SV2B: variants seen among roughly 807,000 people sequenced by gnomAD.
The protein encoded by SV2B is solute carrier family 22 member B2.
SV2B carries 41 observed loss-of-function variants against 73.9 expected under a neutral mutation model. The ratio of observed to expected loss-of-function variants is 0.56; its 90% CI spans 0.43 to 0.72. The LOEUF is 0.72. Among genes scored for constraint, SV2B ranks in the 30% least tolerant of loss-of-function variants. SV2B has a pLI of 0.00. For missense variants in SV2B, 764 were observed against 857.8 expected (o/e 0.89, Z 1.37); for synonymous variants, 314 against 314.2 (o/e 1.00, Z 0.01).
Position 91,137,858 on chromosome 15 carries a change from TAAG to T in SV2B, c.-392+37500_-392+37502del, listed in dbSNP as rs959011404. 1.3e-5 allele frequency among the ~76,000 whole-genome samples: 2 copies of T among 151,854 alleles called. No individual in the cohort carries two copies. The highest frequency in any genetic ancestry group is 2.9e-5 in the Non-Finnish European group (2 of 67,964). ...ACTTATTATTTTGAAAACTGGTAAA[TAAG>T]AAGAGAGAATCAGGTGTTTACTTTG... On this transcript the variant is annotated intron_variant, in intron 1 of 12. Coordinates refer to ENST00000394232, the MANE Select transcript of SV2B (RefSeq NM_001323032.3). The surrounding 1 kb of genome is among the most constrained non-coding windows in gnomAD (Gnocchi z 4.9).
intron 1 of SV2B, among the ~76,000 whole-genome samples, chr15:91,152,071 C>CTTTTTTTTTTT (rs59094531): frequency 7.3e-5 from 10 of 137,296 alleles, no homozygotes; most frequent in South Asian, 2.3e-4. Flanking sequence ...AATTTTTACT[C>CTTTTTTTTTTT]TTTTTTTTTT....
chr15:91,276,802 GTTGTTA>G (rs907045235), intron 9 of SV2B, among the ~76,000 whole-genome samples: 3 of 56,770 alleles, frequency 5.3e-5, no homozygotes, highest in African/African-American at 1.3e-4. Flanking sequence ...TATTATTGTT[GTTGTTA>G]TTATTATTAT....
chr15:91,246,625 C>T (rs1156816112), intron 2 of SV2B, among the ~76,000 whole-genome samples: 1 of 152,132 alleles, frequency 6.6e-6, no homozygotes, highest in African/African-American at 2.4e-5. Flanking sequence ...AGGCTCCTCC[C>T]TCTTCCAAGG....
chr15:91,218,524 A>T (rs1048379309), intron 1 of SV2B, among the ~76,000 whole-genome samples: 1 of 152,196 alleles, frequency 6.6e-6, no homozygotes, highest in East Asian at 1.9e-4. Context: ...CAAAGCTGAC[A>T]CATATGAATA....
At chr15:91,276,330 A>C (rs760097512) in intron 9 of SV2B, among the ~76,000 whole-genome samples, 1 of 151,874 alleles carries the variant, frequency 6.6e-6, no homozygotes, top group Non-Finnish European at 1.5e-5. Flanking sequence ...TTGAGGTTCT[A>C]TAAGTTTTAT....
chr15:91,272,444 A>C (rs920979786), intron 9 of SV2B, among the ~76,000 whole-genome samples: 1 of 152,140 alleles, frequency 6.6e-6, no homozygotes, highest in Non-Finnish European at 1.5e-5. Context: ...TCTGCACATC[A>C]GGGAGAGATG....
chr15:91,206,233 G>T (rs554254148), intron 1 of SV2B, among the ~76,000 whole-genome samples: 64 of 142,652 alleles, frequency 4.5e-4, no homozygotes, highest in African/African-American at 1.7e-3. Context: ...TCAGATACAG[G>T]TTCTCTTTGT....
chr15:91,123,436 A>G lies in SV2B; in HGVS notation c.-392+23073A>G, dbSNP rs1049389261. 6.6e-6 allele frequency among the ~76,000 whole-genome samples: 1 copy of G among 152,184 alleles called. No individual in the cohort carries two copies. The highest frequency in any genetic ancestry group is 2.4e-5 in the African/African-American group (1 of 41,444). ...TATATAACAAATATACATAATTTTT[A>G]TTTGTCAATTAAAAGAAAGAAATAA... is the stretch of plus-strand genomic sequence containing the variant. On this transcript the variant is annotated intron_variant, in intron 1 of 12. Transcript: ENST00000394232. This position sits in a 1 kb window ranked among gnomAD's most constrained non-coding sequence, Gnocchi z 4.7.
At chr15:91,279,380 T>G (rs902618870) in intron 9 of SV2B, among the ~76,000 whole-genome samples, 1 of 152,262 alleles carries the variant, frequency 6.6e-6, no homozygotes, top group Non-Finnish European at 1.5e-5. Flanking sequence ...ATGACAATTT[T>G]GTCATGGACC....
chr15:91,167,691 G>T (rs1220770722), intron 1 of SV2B, among the ~76,000 whole-genome samples: 2 of 152,104 alleles, frequency 1.3e-5, no homozygotes, highest in African/African-American at 4.8e-5. Context: ...CATTACATTT[G>T]CAAAATCCCT....
At chr15:91,174,194 G>A (rs1415894714) in intron 1 of SV2B, among the ~76,000 whole-genome samples, 1 of 152,178 alleles carries the variant, frequency 6.6e-6, no homozygotes, top group Non-Finnish European at 1.5e-5. Context: ...ACGTGCAATA[G>A]AACATGAAAA....
intron 1 of SV2B, among the ~76,000 whole-genome samples, chr15:91,219,751 C>T (rs1169371206): frequency 6.6e-6 from 1 of 152,184 alleles, no homozygotes; most frequent in Non-Finnish European, 1.5e-5. Flanking sequence ...ACCCTCCCCA[C>T]ACCCCTGAAT....
At chr15:91,162,889 T>C in intron 1 of SV2B, among the ~76,000 whole-genome samples, 1 of 152,164 alleles carries the variant, frequency 6.6e-6, no homozygotes, top group African/African-American at 2.4e-5. Flanking sequence ...TCATTTACAT[T>C]AGGTATATCT....
intron 9 of SV2B, among the ~76,000 whole-genome samples, chr15:91,279,898 A>T (rs1027386598): frequency 2.5e-4 from 38 of 152,334 alleles, no homozygotes; most frequent in African/African-American, 8.7e-4. Flanking sequence ...AATCTGAAGA[A>T]TTTAGTGATA....
In SV2B at chr15:91,105,905, C is replaced by T. The variant is rs2041868674; in HGVS notation, c.-392+5542C>T. Among the ~76,000 whole-genome samples the T allele has an allele frequency of 6.6e-6, 1 of 152,012 alleles. No individual in the cohort carries two copies. The highest frequency in any genetic ancestry group is 6.6e-5 in the Admixed American group (1 of 15,264). ...CTCTACAACAAATAAAAAAATTAGC[C>T]AGGTGTGGTGGCACATGCCTGTAGC... On this transcript the variant is annotated intron_variant, in intron 1 of 12. Transcript: ENST00000394232. The surrounding 1 kb of genome is among the most constrained non-coding windows in gnomAD (Gnocchi z 5.5).
rs2042824697 is a variant in SV2B at position 91,136,362 on chromosome 15, G to T, written c.-392+35999G>T. Among the ~76,000 whole-genome samples the T allele has an allele frequency of 6.6e-6, 1 of 152,138 alleles. No homozygotes were observed. The highest frequency in any genetic ancestry group is 1.5e-5 in the Non-Finnish European group (1 of 68,018). ...ATGCATCTGACAGCCAGAATGTAAG[G>T]GGTCAGTTTGTGGGTGACTTACTCT... On this transcript the variant is annotated intron_variant, in intron 1 of 12. Coordinates refer to ENST00000394232, the MANE Select transcript of SV2B (RefSeq NM_001323032.3). The surrounding 1 kb of genome is among the most constrained non-coding windows in gnomAD (Gnocchi z 5.6).
chr15:91,158,709 CT>C (rs1194783458), intron 1 of SV2B, among the ~76,000 whole-genome samples: 163 of 93,536 alleles, frequency 1.7e-3, no homozygotes, highest in South Asian at 4.6e-3. Context: ...CTCTCCTCTC[CT>C]CTCCTCTCCT....
chr15:91,270,422 A>G (rs1040978712), intron 9 of SV2B, among the ~76,000 whole-genome samples: 2 of 152,208 alleles, frequency 1.3e-5, no homozygotes, highest in Non-Finnish European at 2.9e-5. Context: ...GAGGTTAAGT[A>G]TCTTGCTCAA....
In SV2B at chr15:91,292,816, A is replaced by AT. The variant is rs2049092392; in HGVS notation, c.*266dup. 1 of 372,596 alleles carries AT rather than the reference A, an allele frequency of 2.7e-6. No homozygotes were observed. Among genetic ancestry groups the AT allele is most frequent in the Non-Finnish European group, 4.8e-6 (1 of 208,048 alleles). 23.1% of individuals were successfully genotyped at this position (372,596 alleles called of 1,614,324 possible). On this transcript the variant is annotated 3_prime_UTR_variant, in exon 13 of 13. Transcript: ENST00000394232. ...CTTCCCAGTCCAAGGCAGGGAGAGG[A>AT]TTCTCCAGTGAGTGCACACACTATG... is the stretch of plus-strand genomic sequence containing the variant.
Sources: allele counts gnomAD v4.1 joint callset (sites outside exome capture counted in the v4.1 genomes callset), GRCh38; gene constraint gnomAD v4.1.1; non-coding constraint Gnocchi (gnomAD v3.1); transcripts MANE v1.5; gene names NCBI Gene and HGNC (gene_info 2026-07-23, HGNC 2026-07-21).